Variants in RNGTT observed in about 807,000 individuals in gnomAD.
RNGTT encodes the protein RNA guanylyltransferase and 5'-phosphatase, also known as mRNA-capping enzyme.
RNGTT carries 33 observed loss-of-function variants against 79.3 expected under a neutral mutation model. That is an observed-to-expected ratio of 0.42 (90% CI 0.32 to 0.56). RNGTT has a LOEUF of 0.56. RNGTT is among the 20% of genes least tolerant of loss of function. The pLI, the probability that RNGTT is intolerant of heterozygous loss-of-function variation, is 0.17. For missense variants in RNGTT, 497 were observed against 739.1 expected, an observed-to-expected ratio of 0.67 and a Z score of 3.80; for synonymous variants, 222 against 235.9, an observed-to-expected ratio of 0.94 and a Z score of 0.54.
intron 14 of RNGTT, among the ~76,000 whole-genome samples, chr6:88,644,271 C>T (rs1319084418): frequency 6.6e-6 from 1 of 151,978 alleles, no homozygotes; most frequent in Non-Finnish European, 1.5e-5. Context: ...ATAAATTCCT[C>T]GACACATACA....
chr6:88,704,851 T>TCTTCAAAGA (rs3839423), intron 13 of RNGTT, among the ~76,000 whole-genome samples: 17,917 of 152,116 alleles, frequency 0.12, 1,166 homozygotes, highest in Middle Eastern at 0.22. Context: ...ATCTTCACCC[T>TCTTCAAAGA]CTTTGAGTCA....
intron 13 of RNGTT, among the ~76,000 whole-genome samples, chr6:88,687,670 A>G (rs955455682): frequency 3.3e-5 from 5 of 152,180 alleles, no homozygotes; most frequent in Non-Finnish European, 7.4e-5. Flanking sequence ...AGTGAAAAAA[A>G]GAAGGCGCAA....
chr6:88,930,433 G>C (rs1307935478), intron 2 of RNGTT, among the ~76,000 whole-genome samples: 2 of 151,690 alleles, frequency 1.3e-5, no homozygotes, highest in Admixed American at 6.6e-5. Flanking sequence ...ACTTTGGGAG[G>C]CCACGGCAAG....
chr6:88,787,209 A>G (rs938365271), intron 12 of RNGTT, among the ~76,000 whole-genome samples: 1 of 152,234 alleles, frequency 6.6e-6, no homozygotes, highest in Non-Finnish European at 1.5e-5. Flanking sequence ...TTATTTTTGA[A>G]TCAACAGCAA....
chr6:88,715,174 GACAA>G (rs1400638972), intron 13 of RNGTT, among the ~76,000 whole-genome samples: 5 of 152,052 alleles, frequency 3.3e-5, no homozygotes, highest in Admixed American at 1.3e-4. Flanking sequence ...ACCAATAATA[GACAA>G]ACAGAGAGCC....
rs142856054 is a variant in RNGTT, at chr6:88,867,974, G to T, written c.897-14210C>A. 5.0e-3 allele frequency among the ~76,000 whole-genome samples: 759 copies of T among 152,310 alleles called. 5 individuals are homozygous for T. The highest frequency in any genetic ancestry group is 0.017 in the African/African-American group (702 of 41,568). On this transcript the variant is annotated intron_variant, in intron 8 of 15. Coordinates refer to ENST00000369485, the MANE Select transcript of RNGTT (RefSeq NM_003800.5). ...TTTTCCTGTGCCTCCGGCTGGGAAAGCCCCTTAGGCTTAGCTTTCTGTGCC... is the reference window on the plus strand; with the variant it reads ...TTTTCCTGTGCCTCCGGCTGGGAAATCCCCTTAGGCTTAGCTTTCTGTGCC...
rs1783011822 is a variant in RNGTT at position 88,890,505 on chromosome 6, C to T, written c.886G>A (p.Asp296Asn). ...LKPYKVSWKA[D>N]GTRYMMLIDG... is the part of the protein sequence containing the mutation. The stretch of plus-strand genomic sequence containing the variant: ...AGAAGTCTAACTTACCGAGTACCAT[C>T]TGCTTTCCAGCTTACTTTGTATGGC... The change falls in exon 8 of 16, where the codon GAT becomes AAT. Residue 296 changes from aspartate to asparagine, a missense_variant. This residue lies in a region of RNGTT where 440 missense variants were observed against 671.5 expected (regional missense o/e 0.66). Coordinates refer to ENST00000369485, the MANE Select transcript of RNGTT (RefSeq NM_003800.5). The T allele has an allele frequency of 6.2e-7, 1 of 1,608,838 alleles. No individual in the cohort carries two copies. The highest frequency in any genetic ancestry group is 1.1e-5 in the South Asian group (1 of 90,742).
chr6:88,610,994 A>T lies in RNGTT; in HGVS notation c.*1725T>A, dbSNP rs1400048037. On this transcript the variant is annotated 3_prime_UTR_variant, in exon 16 of 16. Transcript: ENST00000369485. The stretch of plus-strand genomic sequence containing the variant: ...GTAAAAGATACTATGGAACCTTGAG[A>T]ATTTTCCCTCCTTCAATAGTCATTG... The T allele has an allele frequency of 1.3e-5, 2 of 152,110 alleles. No individual in the cohort carries two copies. Among genetic ancestry groups the T allele is most frequent in the African/African-American group, 4.8e-5 (2 of 41,428 alleles). 9.4% of individuals were successfully genotyped at this position (152,110 alleles called of 1,614,324 possible). A position where few individuals can be genotyped will look rare whatever the true frequency, so the allele number is the denominator to read the frequency against.
chr6:88,724,543 A>G (rs1776819924), intron 13 of RNGTT, among the ~76,000 whole-genome samples: 1 of 152,156 alleles, frequency 6.6e-6, no homozygotes, highest in South Asian at 2.1e-4. Flanking sequence ...TTCATGGAAG[A>G]AAATTTTTCC....
At chr6:88,690,038 A>T (rs1279735405) in intron 13 of RNGTT, among the ~76,000 whole-genome samples, 1 of 152,176 alleles carries the variant, frequency 6.6e-6, no homozygotes, top group African/African-American at 2.4e-5. Flanking sequence ...TTGCCAAAAA[A>T]TGCAAAAGAC....
intron 12 of RNGTT, among the ~76,000 whole-genome samples, chr6:88,798,658 A>C (rs1490006040): frequency 6.6e-6 from 1 of 152,242 alleles, no homozygotes; most frequent in Non-Finnish European, 1.5e-5. Flanking sequence ...ATGGTGTAAA[A>C]ATGAAAATGA....
intron 13 of RNGTT, among the ~76,000 whole-genome samples, chr6:88,711,359 C>G (rs1776311324): frequency 6.6e-6 from 1 of 152,120 alleles, no homozygotes; most frequent in African/African-American, 2.4e-5. Flanking sequence ...AGTCTATTTG[C>G]TCAAACATAC....
At chr6:88,747,022 A>G (rs956356091) in intron 13 of RNGTT, among the ~76,000 whole-genome samples, 1 of 152,174 alleles carries the variant, frequency 6.6e-6, no homozygotes, top group South Asian at 2.1e-4. Flanking sequence ...CTGAATGTAT[A>G]ATTGGAATAG....
chr6:88,934,243 G>A (rs1784595685), intron 2 of RNGTT, among the ~76,000 whole-genome samples: 1 of 152,026 alleles, frequency 6.6e-6, no homozygotes, highest in Admixed American at 6.6e-5. Context: ...TGTTATCAAG[G>A]CTGGTCTCAA....
At chr6:88,946,452 A>G (rs1036536013) in intron 1 of RNGTT, among the ~76,000 whole-genome samples, 3 of 151,844 alleles carry the variant, frequency 2.0e-5, no homozygotes, top group African/African-American at 7.3e-5. Flanking sequence ...TAACCCTACA[A>G]TGGCCTCTAA....
In RNGTT at chr6:88,803,496, G is replaced by A. The variant is rs149071634; in HGVS notation, c.1270-1864C>T. Among the ~76,000 whole-genome samples, 654 of 146,328 alleles carry A rather than the reference G, an allele frequency of 4.5e-3. 2 individuals carry two copies. Among genetic ancestry groups the A allele is most frequent in the African/African-American group, 0.016 (616 of 38,880 alleles). The stretch of plus-strand genomic sequence containing the variant: ...CAAGGCCGAGGCAGGAGAATCACCT[G>A]AACCCAGGAGGCGGAGGTTGCAGTG... On this transcript the variant is annotated intron_variant, in intron 11 of 15. Coordinates refer to ENST00000369485, the MANE Select transcript of RNGTT (RefSeq NM_003800.5).
At chr6:88,812,568 T>C (rs1402025608) in intron 11 of RNGTT, among the ~76,000 whole-genome samples, 4 of 152,244 alleles carry the variant, frequency 2.6e-5, no homozygotes, top group Admixed American at 2.6e-4. Context: ...TCCATGTCTA[T>C]CTTGGAAGAG....
intron 4 of RNGTT, among the ~76,000 whole-genome samples, chr6:88,919,707 CTTTTTTTTTTTTTTTT>C (rs5878082): frequency 1.7e-5 from 1 of 58,480 alleles, no homozygotes; most frequent in Admixed American, 1.8e-4. Flanking sequence ...GTCAGTAGTT[CTTTTTTTTTTTTTTTT>C]TTTTTTTTTT....
intron 11 of RNGTT, among the ~76,000 whole-genome samples, chr6:88,813,990 A>G (rs555292268): frequency 7.2e-5 from 11 of 152,326 alleles, no homozygotes; most frequent in African/African-American, 2.4e-4. Flanking sequence ...TGAATAACAC[A>G]GTGCAAGAAT....
Sources: gnomAD v4.1 joint callset for allele counts (sites outside exome capture counted in the v4.1 genomes callset) on GRCh38, gnomAD v4.1.1 for gene constraint, gnomAD v4.1.1 regional missense constraint, MANE v1.5 for transcripts, NCBI Gene and HGNC (gene_info 2026-07-23, HGNC 2026-07-21) for gene names.